DPP10: variants seen among roughly 807,000 people sequenced by gnomAD.
DPP10 encodes inactive dipeptidyl peptidase 10.
In DPP10, 33 loss-of-function variants were observed where a neutral mutation model predicts 120.9. The observed-to-expected ratio is 0.27, with a 90% CI of 0.21 to 0.37. DPP10 has a LOEUF of 0.37. Among genes scored for constraint, DPP10 ranks in the 10% least tolerant of loss-of-function variants. The pLI is 1.00. For synonymous variants in DPP10, 337 were observed against 326.1 expected (o/e 1.03, Z -0.36); for missense variants, 816 against 942.8 (o/e 0.87, Z 1.76).
intron 21 of DPP10, among the ~76,000 whole-genome samples, chr2:115,828,040 G>A (rs1482646976): frequency 6.6e-6 from 1 of 151,976 alleles, no homozygotes; most frequent in African/African-American, 2.4e-5. Context: ...TCTGCTTGAA[G>A]AACATCCTTT....
chr2:114,780,534 T>C (rs1159666463), intron 1 of DPP10, among the ~76,000 whole-genome samples: 1 of 152,094 alleles, frequency 6.6e-6, no homozygotes, highest in Non-Finnish European at 1.5e-5. Flanking sequence ...TAAAACAAGA[T>C]TTATTTATTT....
chr2:114,887,118 GCT>G lies in DPP10; in HGVS notation c.61-422117_61-422116del, dbSNP rs1210361918. Among the ~76,000 whole-genome samples, 4 of 152,054 alleles carry G rather than the reference GCT, an allele frequency of 2.6e-5. No homozygotes were observed. The East Asian group carries it at 7.7e-4, about 29-fold the overall frequency. On this transcript the variant is annotated intron_variant, in intron 1 of 25. Transcript: ENST00000410059. ...CTCTCCCAAGGCACAGATTCCCCAG[GCT>G]CTCCCTTATTTTGCTAGAACATTTA... is the stretch of plus-strand genomic sequence containing the variant.
intron 1 of DPP10, among the ~76,000 whole-genome samples, chr2:114,453,002 T>C (rs1456112049): frequency 6.6e-6 from 1 of 152,128 alleles, no homozygotes. Flanking sequence ...TTGCACCAAT[T>C]CCTTATCTAA....
chr2:114,965,085 G>T (rs72834109), intron 1 of DPP10, among the ~76,000 whole-genome samples: 27,212 of 152,010 alleles, frequency 0.18, 2,708 homozygotes, highest in Non-Finnish European at 0.22. Context: ...CTGGAGAGAA[G>T]AAATTCTAGG....
At chr2:115,702,799 C>T (rs943257606) in intron 7 of DPP10, among the ~76,000 whole-genome samples, 1 of 152,064 alleles carries the variant, frequency 6.6e-6, no homozygotes, top group Non-Finnish European at 1.5e-5. Context: ...CACATCTGTG[C>T]ATACAATACA....
intron 3 of DPP10, among the ~76,000 whole-genome samples, chr2:115,372,854 C>T (rs2065511117): frequency 1.3e-5 from 2 of 152,160 alleles, no homozygotes; most frequent in South Asian, 4.1e-4. Flanking sequence ...TAGATCTTTA[C>T]TTTGACTTTA....
chr2:115,759,397 A>T (rs1033297550), intron 11 of DPP10, among the ~76,000 whole-genome samples: 11 of 131,616 alleles, frequency 8.4e-5, no homozygotes, highest in East Asian at 2.0e-4. Flanking sequence ...ATTTCTATAT[A>T]AAAAAAAAAA....
chr2:115,535,994 C>T (rs1156870607), intron 5 of DPP10, among the ~76,000 whole-genome samples: 1 of 151,958 alleles, frequency 6.6e-6, no homozygotes, highest in Non-Finnish European at 1.5e-5. Context: ...AGTTGCTTAT[C>T]AGCTTAAGGA....
intron 1 of DPP10, among the ~76,000 whole-genome samples, chr2:114,721,740 A>T (rs1218204712): frequency 6.6e-6 from 1 of 152,224 alleles, no homozygotes; most frequent in African/African-American, 2.4e-5. Context: ...CTTCACACTC[A>T]GTATCACATG....
At chr2:114,937,838 C>T (rs78853472) in intron 1 of DPP10, among the ~76,000 whole-genome samples, 1 of 152,174 alleles carries the variant, frequency 6.6e-6, no homozygotes, top group Non-Finnish European at 1.5e-5. Context: ...GTCTTTGTTC[C>T]GAATGGGCAA....
intron 1 of DPP10, among the ~76,000 whole-genome samples, chr2:114,925,875 C>A (rs906190716): frequency 7.2e-5 from 11 of 152,128 alleles, no homozygotes; most frequent in African/African-American, 2.7e-4. Flanking sequence ...AGGAAAGAAG[C>A]CTATCCTTGG....
intron 1 of DPP10, among the ~76,000 whole-genome samples, chr2:115,109,807 C>A (rs1223768097): frequency 6.6e-6 from 1 of 152,120 alleles, no homozygotes. Context: ...TGGATAGAGG[C>A]CGGACTTTAC....
intron 13 of DPP10, among the ~76,000 whole-genome samples, chr2:115,768,944 T>G (rs547545775): frequency 6.6e-6 from 1 of 152,002 alleles, no homozygotes; most frequent in South Asian, 2.1e-4. Flanking sequence ...ATATAATCTA[T>G]GTTTTTTTTT....
intron 7 of DPP10, among the ~76,000 whole-genome samples, chr2:115,699,535 G>A (rs1002930557): frequency 1.3e-5 from 2 of 152,200 alleles, no homozygotes; most frequent in African/African-American, 4.8e-5. Context: ...CTGGGAGGCA[G>A]AGGTTGCAGT....
At chr2:115,061,573 T>C (rs1410471657) in intron 1 of DPP10, among the ~76,000 whole-genome samples, 1 of 152,188 alleles carries the variant, frequency 6.6e-6, no homozygotes, top group Non-Finnish European at 1.5e-5. Context: ...AAATGCATGC[T>C]AGTTAAATAA....
intron 1 of DPP10, among the ~76,000 whole-genome samples, chr2:115,235,564 G>C (rs1159292899): frequency 6.6e-6 from 1 of 151,828 alleles, no homozygotes; most frequent in Non-Finnish European, 1.5e-5. Flanking sequence ...TTTTTTTGGT[G>C]GGGGTGGTGG....
intron 1 of DPP10, among the ~76,000 whole-genome samples, chr2:114,980,674 A>G (rs1700026770): frequency 1.3e-5 from 2 of 151,798 alleles, no homozygotes; most frequent in Admixed American, 6.6e-5. Flanking sequence ...AATTCCCTGA[A>G]CTAGAAATCC....
chr2:115,386,100 T>G (rs1240662494), intron 3 of DPP10, among the ~76,000 whole-genome samples: 1 of 152,206 alleles, frequency 6.6e-6, no homozygotes, highest in African/African-American at 2.4e-5. Flanking sequence ...TAATCACTCA[T>G]AAATCTCCTA....
chr2:115,689,749 T>C lies in DPP10; in HGVS notation c.494+10T>C, dbSNP rs1380530601. On this transcript the variant is annotated intron_variant, in intron 6 of 25. Transcript: ENST00000410059. The stretch of plus-strand genomic sequence containing the variant: ...ACAACATACACACTAGGTAAGTTCT[T>C]TGATTTTCTAGTTTTCATGAGCAAT... 3.7e-6 allele frequency: 6 copies of C among 1,604,674 alleles called. No homozygotes were observed. Among genetic ancestry groups the C allele is most frequent in the African/African-American group, 1.3e-5 (1 of 74,624 alleles).
Sources: allele counts gnomAD v4.1 joint callset (sites outside exome capture counted in the v4.1 genomes callset), GRCh38; gene constraint gnomAD v4.1.1; transcripts MANE v1.5; gene names NCBI Gene and HGNC (gene_info 2026-07-23, HGNC 2026-07-21).